OR8G1: variants seen among roughly 807,000 people sequenced by gnomAD.
OR8G1 encodes the protein olfactory receptor 8G1.
For synonymous variants in OR8G1, 129 were observed against 133.3 expected (o/e 0.97, Z 0.22); for missense variants, 372 against 356.2 (o/e 1.04, Z -0.36).
rs75502166 is a variant in OR8G1, at chr11:124,253,658, T to G, written c.*3047T>G. The G allele has an allele frequency of 7.9e-6, 1 of 126,472 alleles. No homozygotes were observed. Among genetic ancestry groups the G allele is most frequent in the Non-Finnish European group, 1.8e-5 (1 of 56,222 alleles). 7.8% of individuals were successfully genotyped at this position (126,472 alleles called of 1,614,324 possible). ...ACTATAGTTACCATTTATACAATAGTTTTTAACTTATTCCTTCTATCTAAT... is the reference window on the plus strand; with the variant it reads ...ACTATAGTTACCATTTATACAATAGGTTTTAACTTATTCCTTCTATCTAAT... On this transcript the variant is annotated 3_prime_UTR_variant, in exon 3 of 3. Transcript: ENST00000641972.
chr11:124,248,513 G>T (rs1861833875), intron 2 of OR8G1, among the ~76,000 whole-genome samples: 2 of 151,580 alleles, frequency 1.3e-5, no homozygotes, highest in Non-Finnish European at 2.9e-5. Flanking sequence ...GTTTATATCT[G>T]TATTTTAGTT....
rs1011639112 is a variant in OR8G1 at position 124,249,942 on chromosome 11, G to A, written c.267G>A (p.Lys89=). Residue 89 remains lysine (K), a synonymous_variant, in exon 3 of 3, where the codon AAG becomes AAA. Transcript: ENST00000641972. ...PKMLVNFVTE[K]NIISYPECMT... Reference sequence around the variant, plus strand: ...TGCTGGTGAACTTTGTGACAGAGAAGAACATCATCTCCTACCCTGAATGCA... The same window carrying A: ...TGCTGGTGAACTTTGTGACAGAGAAAAACATCATCTCCTACCCTGAATGCA... The A allele has an allele frequency of 6.2e-7, 1 of 1,613,910 alleles. No homozygotes were observed. The highest frequency in any genetic ancestry group is 8.5e-7 in the Non-Finnish European group (1 of 1,179,994).
chr11:124,242,960 T>C (rs1176405530), intron 1 of OR8G1, among the ~76,000 whole-genome samples: 1 of 151,960 alleles, frequency 6.6e-6, no homozygotes, highest in Non-Finnish European at 1.5e-5. Context: ...GTGTAGACCA[T>C]ACCATGGGGA....
chr11:124,249,847 C>A lies in OR8G1; in HGVS notation c.172C>A (p.Pro58Thr). 2 of 1,613,926 alleles carry A rather than the reference C, an allele frequency of 1.2e-6. No homozygotes were observed. Among genetic ancestry groups the A allele is most frequent in the Non-Finnish European group, 1.7e-6 (2 of 1,179,956 alleles). ...LIWLSSHLHT[P>T]MYYFLSSLSF... ...TTGGCTCAGTTCTCACCTGCACACC[C>A]CTATGTACTATTTCCTCAGCAGTCT... Residue 58 changes from proline (P) to threonine (T), a missense_variant, in exon 3 of 3, where the codon CCT becomes ACT. By Grantham distance (38) the Pro-to-Thr change is conservative (BLOSUM62 -1). Coordinates refer to ENST00000641972, the MANE Select transcript of OR8G1 (RefSeq NM_001002905.2).
chr11:124,250,355 AC>A lies in OR8G1; in HGVS notation c.681del (p.His227GlnfsTer23). ...SYIFIIASIL[H>X]IRSTEGRSKA... Reference sequence around the variant, plus strand: ...ATCTTTATTATTGCCAGCATCCTCCACATTCGCTCCACTGAGGGCAGGTCCA... The same window carrying A: ...ATCTTTATTATTGCCAGCATCCTCCAATTCGCTCCACTGAGGGCAGGTCCA... On this transcript the variant is annotated frameshift_variant, in exon 3 of 3. Coordinates refer to ENST00000641972, the MANE Select transcript of OR8G1 (RefSeq NM_001002905.2). LOFTEE classifies it low-confidence loss of function (END_TRUNC). 6.2e-7 allele frequency: 1 copy of A among 1,613,702 alleles called. No individual in the cohort carries two copies. Among genetic ancestry groups the A allele is most frequent in the South Asian group, 1.1e-5 (1 of 91,068 alleles).
rs1179026628 is a variant in OR8G1, at chr11:124,250,688, T to G, written c.*77T>G. ...TTGTATGAATGGATGTCTTTCACTT[T>G]AATGCATCTGTCAATAATTTTTACC... On this transcript the variant is annotated 3_prime_UTR_variant, in exon 3 of 3. Transcript: ENST00000641972. 1.2e-5 allele frequency: 5 copies of G among 412,352 alleles called. 2 individuals are homozygous for G. In the African/African-American group the frequency reaches 1.7e-4, roughly 14 times the overall value. 25.5% of individuals were successfully genotyped at this position (412,352 alleles called of 1,614,324 possible). A position where few individuals can be genotyped will look rare whatever the true frequency, so the allele number is the denominator to read the frequency against.
intron 1 of OR8G1, among the ~76,000 whole-genome samples, chr11:124,246,993 A>C (rs2137747848): frequency 6.6e-6 from 1 of 151,832 alleles, no homozygotes; most frequent in Non-Finnish European, 1.5e-5. Flanking sequence ...TAAATTTTGT[A>C]TACCAAACCT....
chr11:124,243,916 C>G (rs1054408996), intron 1 of OR8G1, among the ~76,000 whole-genome samples: 1 of 151,396 alleles, frequency 6.6e-6, no homozygotes, highest in African/African-American at 2.4e-5. Context: ...ACATGTATCC[C>G]AGAACTTAAA....
intron 1 of OR8G1, among the ~76,000 whole-genome samples, chr11:124,245,007 C>CTT (rs67805245): frequency 1.1e-4 from 16 of 151,516 alleles, no homozygotes; most frequent in Middle Eastern, 3.4e-3. Flanking sequence ...TTAAGAATTT[C>CTT]TTTTTTTTAA....
rs939335482 is a variant in OR8G1 at position 124,252,084 on chromosome 11, G to A, written c.*1473G>A. 1.3e-5 allele frequency: 2 copies of A among 152,090 alleles called. No homozygotes were observed. The highest frequency in any genetic ancestry group is 2.1e-4 in the South Asian group (1 of 4,826). 9.4% of individuals were successfully genotyped at this position (152,090 alleles called of 1,614,324 possible). A position where few individuals can be genotyped will look rare whatever the true frequency, so the allele number is the denominator to read the frequency against. On this transcript the variant is annotated 3_prime_UTR_variant, in exon 3 of 3. Coordinates refer to ENST00000641972, the MANE Select transcript of OR8G1 (RefSeq NM_001002905.2). Reference sequence around the variant, plus strand: ...GTTTGTCCATCCTTTTAGTTGAAGGGAGTGTAGGTGAATGAGCCATAGGTT... The same window carrying A: ...GTTTGTCCATCCTTTTAGTTGAAGGAAGTGTAGGTGAATGAGCCATAGGTT...
At chr11:124,247,417 A>G (rs1203526255) in intron 1 of OR8G1, among the ~76,000 whole-genome samples, 1 of 151,940 alleles carries the variant, frequency 6.6e-6, no homozygotes, top group African/African-American at 2.4e-5. Flanking sequence ...GATCATTTGC[A>G]AAGTGGGCAA....
At chr11:124,241,677 T>C (rs902427628) in intron 1 of OR8G1, among the ~76,000 whole-genome samples, 2 of 152,130 alleles carry the variant, frequency 1.3e-5, no homozygotes, top group Admixed American at 6.6e-5. Context: ...ATTTACATGA[T>C]GACTTCATTT....
intron 1 of OR8G1, among the ~76,000 whole-genome samples, chr11:124,241,992 A>G (rs543362491): frequency 6.6e-5 from 10 of 152,174 alleles, no homozygotes; most frequent in Admixed American, 3.9e-4. Context: ...ATGACCAGGA[A>G]TAAGTAGCTC....
chr11:124,249,507 A>G (rs1285421859), intron 2 of OR8G1, 153 bp from the exon 3 acceptor site: 2 of 288,288 alleles, frequency 6.9e-6, no homozygotes, highest in African/African-American at 4.6e-5. Context: ...ATATTTGAAA[A>G]TAAGATTAAA....
In OR8G1 at chr11:124,250,499, C is replaced by G. The variant is rs1861861055; in HGVS notation, c.824C>G (p.Ser275Cys). ...ISSMDQGKVSSVFYTIIVPML... is the reference protein window; with the variant it reads ...ISSMDQGKVSCVFYTIIVPML... Reference sequence around the variant, plus strand: ...TCCATGGACCAGGGGAAAGTATCCTCTGTGTTTTATACTATTATTGTGCCC... The same window carrying G: ...TCCATGGACCAGGGGAAAGTATCCTGTGTGTTTTATACTATTATTGTGCCC... Residue 275 changes from serine to cysteine, a missense_variant, in exon 3 of 3, where the codon TCT (serine) becomes TGT (cysteine). By Grantham distance (112) the Ser-to-Cys change is moderately radical (BLOSUM62 -1). Transcript: ENST00000641972. 1 of 1,613,606 alleles carries G rather than the reference C, an allele frequency of 6.2e-7. No homozygotes were observed. Among genetic ancestry groups the G allele is most frequent in the Non-Finnish European group, 8.5e-7 (1 of 1,179,708 alleles).
At chr11:124,246,083 C>A (rs1194212001) in intron 1 of OR8G1, among the ~76,000 whole-genome samples, 1 of 150,956 alleles carries the variant, frequency 6.6e-6, no homozygotes. Context: ...GGCATGAAGT[C>A]CTTGCCCATG....
Position 124,251,493 on chromosome 11 carries a change from A to G in OR8G1, c.*882A>G. ...AAGAATCTATAATATAACTGGTAAC[A>G]TTCTGACCTATTCTATGCTAAGATG... On this transcript the variant is annotated 3_prime_UTR_variant, in exon 3 of 3. Transcript: ENST00000641972. 1 of 597,820 alleles carries G rather than the reference A, an allele frequency of 1.7e-6. No individual in the cohort carries two copies. The highest frequency in any genetic ancestry group is 2.7e-6 in the Non-Finnish European group (1 of 376,676). The allele number at this position is 597,820 out of a possible 1,614,324, so 37.0% of individuals were successfully genotyped here.
rs551234281 is a variant in OR8G1, at chr11:124,249,464, T to C, written c.-16-196T>C. On this transcript the variant is annotated intron_variant, in intron 2 of 2. Coordinates refer to ENST00000641972, the MANE Select transcript of OR8G1 (RefSeq NM_001002905.2). Reference sequence around the variant, plus strand: ...CTTAGAAAGTGTTCAATGATAAAAATGGCTAAAATATTTTACATGAAACAC... The same window carrying C: ...CTTAGAAAGTGTTCAATGATAAAAACGGCTAAAATATTTTACATGAAACAC... Among the ~76,000 whole-genome samples the C allele has an allele frequency of 3.3e-5, 5 of 152,190 alleles. 1 individual carries two copies. Among genetic ancestry groups the C allele is most frequent in the African/African-American group, 9.6e-5 (4 of 41,562 alleles).
At chr11:124,241,465 T>C (rs901198036) in intron 1 of OR8G1, 101 bp downstream of exon 1, 1 of 152,140 alleles carries the variant, frequency 6.6e-6, no homozygotes, top group Middle Eastern at 3.2e-3. Flanking sequence ...TCTTTACTTA[T>C]TCAATTATTT....
Sources: allele counts gnomAD v4.1 joint callset (sites outside exome capture counted in the v4.1 genomes callset), GRCh38; gene constraint gnomAD v4.1.1; transcripts MANE v1.5; gene names NCBI Gene and HGNC (gene_info 2026-07-23, HGNC 2026-07-21).